The following ZBTB20 variants were observed in gnomAD, a reference collection of about 807,000 sequenced individuals.
ZBTB20 encodes the protein zinc finger and BTB domain-containing protein 20.
ZBTB20 carries 9 observed loss-of-function variants against 56.9 expected under a neutral mutation model. That is an observed-to-expected ratio of 0.16 (90% CI 0.10 to 0.28). The LOEUF (loss-of-function observed/expected upper bound fraction) is 0.28. ZBTB20 is among the 10% of genes least tolerant of loss of function. The pLI, the probability that ZBTB20 is intolerant of heterozygous loss-of-function variation, is 1.00. For synonymous variants in ZBTB20, 417 were observed against 420.7 expected, an observed-to-expected ratio of 0.99 and a Z score of 0.11; for missense variants, 655 against 1,003.0, an observed-to-expected ratio of 0.65 and a Z score of 4.69.
At chr3:114,593,598 G>A (rs547241035) in intron 6 of ZBTB20, among the ~76,000 whole-genome samples, 8 of 152,102 alleles carry the variant, frequency 5.3e-5, no homozygotes, top group African/African-American at 1.9e-4. Flanking sequence ...TGGTCAGGCT[G>A]GTCTCGATCT....
rs934042622 is a variant in ZBTB20 at position 114,775,034 on chromosome 3, T to C, written c.-343+26067A>G. Among the ~76,000 whole-genome samples, 4 of 152,210 alleles carry C rather than the reference T, an allele frequency of 2.6e-5. No individual in the cohort carries two copies. The South Asian group carries it at 8.3e-4, about 32-fold the overall frequency. On this transcript the variant is annotated intron_variant, in intron 5 of 11. Coordinates refer to ENST00000675478, the MANE Select transcript of ZBTB20 (RefSeq NM_001348800.3). Reference sequence around the variant, plus strand: ...ACCTAGAGCTATAATTATTTTGCTTTAATTTTACAAAACCTTTTGTTCCAT... The same window carrying C: ...ACCTAGAGCTATAATTATTTTGCTTCAATTTTACAAAACCTTTTGTTCCAT...
At chr3:114,563,491 T>C (rs553907792) in intron 6 of ZBTB20, among the ~76,000 whole-genome samples, 20 of 152,278 alleles carry the variant, frequency 1.3e-4, no homozygotes, top group African/African-American at 4.1e-4. Context: ...CATTATGAAA[T>C]TGCCATTTCT....
intron 6 of ZBTB20, among the ~76,000 whole-genome samples, chr3:114,591,292 C>G (rs930418565): frequency 3.3e-5 from 5 of 152,160 alleles, no homozygotes; most frequent in African/African-American, 7.2e-5. Flanking sequence ...TGGCATGCTT[C>G]TTATACATTC....
chr3:114,361,676 C>T (rs2081903027), intron 10 of ZBTB20, among the ~76,000 whole-genome samples: 1 of 152,134 alleles, frequency 6.6e-6, no homozygotes, highest in Non-Finnish European at 1.5e-5. Context: ...GAGAGTGAGG[C>T]TGATTGATGC....
intron 3 of ZBTB20, among the ~76,000 whole-genome samples, chr3:114,937,914 G>A (rs1410795535): frequency 3.9e-5 from 6 of 151,934 alleles, no homozygotes; most frequent in East Asian, 2.0e-4. Flanking sequence ...TGGCTAACAC[G>A]GTGAAGCCCC....
chr3:114,377,513 T>C (rs1251303022), intron 10 of ZBTB20, among the ~76,000 whole-genome samples: 1 of 152,174 alleles, frequency 6.6e-6, no homozygotes, highest in Admixed American at 6.5e-5. Flanking sequence ...GTCCTTCATA[T>C]GCAAAAAAGA....
At chr3:114,966,730 A>G (rs2077663017) in intron 3 of ZBTB20, among the ~76,000 whole-genome samples, 1 of 150,248 alleles carries the variant, frequency 6.7e-6, no homozygotes, top group Admixed American at 6.6e-5. Flanking sequence ...TCAATAAAGA[A>G]CTCCAAAATT....
intron 5 of ZBTB20, among the ~76,000 whole-genome samples, chr3:114,763,171 T>A (rs2068551443): frequency 6.6e-6 from 1 of 152,162 alleles, no homozygotes. Context: ...TAAGTGATGA[T>A]CAATATAATG....
In ZBTB20 at chr3:114,893,038, T is replaced by C. The variant is rs187415130; in HGVS notation, c.-417+7266A>G. ...TTTTGTGAGAACATTTCCCAAATCA[T>C]TGGGTACAGCACATTTACAGAACAT... is the stretch of plus-strand genomic sequence containing the variant. On this transcript the variant is annotated intron_variant, in intron 4 of 11. Coordinates refer to ENST00000675478, the MANE Select transcript of ZBTB20 (RefSeq NM_001348800.3). Among the ~76,000 whole-genome samples the C allele has an allele frequency of 3.4e-4, 52 of 152,290 alleles. 2 individuals carry two copies. The East Asian group carries it at 9.5e-3, about 28-fold the overall frequency.
chr3:115,075,166 A>G (rs866973449), intron 1 of ZBTB20, among the ~76,000 whole-genome samples: 14 of 152,114 alleles, frequency 9.2e-5, no homozygotes, highest in African/African-American at 3.4e-4. Flanking sequence ...TAATAGTACA[A>G]TATTTTTAAG....
chr3:114,661,763 A>T (rs1157272172), intron 6 of ZBTB20, among the ~76,000 whole-genome samples: 1 of 152,104 alleles, frequency 6.6e-6, no homozygotes, highest in African/African-American at 2.4e-5. Flanking sequence ...CTTGCCTATA[A>T]TGTGACTTTG....
chr3:114,995,466 A>G (rs2108179533), intron 2 of ZBTB20, among the ~76,000 whole-genome samples: 1 of 151,958 alleles, frequency 6.6e-6, no homozygotes, highest in African/African-American at 2.4e-5. Flanking sequence ...TCTAGTTTCC[A>G]TTTAGAATCA....
intron 2 of ZBTB20, among the ~76,000 whole-genome samples, chr3:114,991,091 G>C (rs1442622099): frequency 6.6e-6 from 1 of 151,944 alleles, no homozygotes; most frequent in African/African-American, 2.4e-5. Flanking sequence ...AGGGTTTTTT[G>C]TGTCTCTATC....
chr3:114,858,223 G>A (rs1010247875), intron 4 of ZBTB20, among the ~76,000 whole-genome samples: 4 of 152,108 alleles, frequency 2.6e-5, no homozygotes, highest in Admixed American at 6.5e-5. Flanking sequence ...CTGCTTAAAC[G>A]CAGTTATATC....
At chr3:115,139,644 G>A (rs1421281929) in intron 1 of ZBTB20, among the ~76,000 whole-genome samples, 1 of 151,962 alleles carries the variant, frequency 6.6e-6, no homozygotes, top group Non-Finnish European at 1.5e-5. Context: ...TTAGAGAAGA[G>A]AATCACAAAA....
chr3:114,402,518 T>C (rs547000424), intron 7 of ZBTB20, among the ~76,000 whole-genome samples: 10 of 152,268 alleles, frequency 6.6e-5, no homozygotes, highest in Admixed American at 3.9e-4. Context: ...GCATGCCATA[T>C]GGACATGGCT....
At chr3:114,941,114 A>G (rs1348629499) in intron 3 of ZBTB20, among the ~76,000 whole-genome samples, 1 of 146,594 alleles carries the variant, frequency 6.8e-6, no homozygotes, top group Admixed American at 6.6e-5. Context: ...AAAACTAGAG[A>G]AAAGTTTCAT....
rs533730997 is a variant in ZBTB20, at chr3:114,459,101, T to C, written c.-255+41251A>G. 2.0e-5 allele frequency among the ~76,000 whole-genome samples: 3 copies of C among 152,326 alleles called. No individual in the cohort carries two copies. In the East Asian group the frequency reaches 5.8e-4, roughly 29 times the overall value. The stretch of plus-strand genomic sequence containing the variant: ...GGAAGGTTTCTAGATCTTTGCTCCT[T>C]CAGCTTTTAGTTCAAAATTCCATGC... On this transcript the variant is annotated intron_variant, in intron 7 of 11. Coordinates refer to ENST00000675478, the MANE Select transcript of ZBTB20 (RefSeq NM_001348800.3).
At chr3:114,773,689 T>C (rs994236802) in intron 5 of ZBTB20, among the ~76,000 whole-genome samples, 2 of 152,094 alleles carry the variant, frequency 1.3e-5, no homozygotes, top group African/African-American at 2.4e-5. Context: ...TGAAAAGAGC[T>C]TGAAAGTTTA....
Sources: allele counts gnomAD v4.1 joint callset (sites outside exome capture counted in the v4.1 genomes callset), GRCh38; gene constraint gnomAD v4.1.1; transcripts MANE v1.5; gene names NCBI Gene and HGNC (gene_info 2026-07-23, HGNC 2026-07-21).